MAN2A1: variants seen among roughly 807,000 people sequenced by gnomAD.
The protein encoded by MAN2A1 is mannosidase alpha class 2A member 1.
A neutral mutation model predicts 142.6 loss-of-function variants in MAN2A1; 76 were observed. The observed-to-expected ratio is 0.53, with a 90% confidence interval of 0.44 to 0.65. The LOEUF is 0.65. MAN2A1 is among the 30% of genes least tolerant of loss of function. MAN2A1 has a pLI of 0.00. For synonymous variants in MAN2A1, 559 were observed against 473.2 expected (o/e 1.18, Z -2.35); for missense variants, 1,311 against 1,365.1 (o/e 0.96, Z 0.62).
At chr5:109,769,054 GAGT>G (rs1008334373) in intron 6 of MAN2A1, among the ~76,000 whole-genome samples, 66 of 152,268 alleles carry the variant, frequency 4.3e-4, no homozygotes, top group Middle Eastern at 3.4e-3. Flanking sequence ...AGCTGCAAAA[GAGT>G]AGCGCATAAG....
At chr5:109,814,911 T>C (rs1437236892) in intron 12 of MAN2A1, among the ~76,000 whole-genome samples, 1 of 152,118 alleles carries the variant, frequency 6.6e-6, no homozygotes, top group Non-Finnish European at 1.5e-5. Context: ...AACATGCCAG[T>C]AGGGATTCTA....
At chr5:109,805,750 T>G (rs1754148028) in intron 12 of MAN2A1, among the ~76,000 whole-genome samples, 1 of 152,214 alleles carries the variant, frequency 6.6e-6, no homozygotes, top group Non-Finnish European at 1.5e-5. Context: ...TTTGGTTTTC[T>G]TGTCTAAGTA....
In MAN2A1 at chr5:109,845,896, C is replaced by T; in HGVS notation, c.2732C>T (p.Pro911Leu). ...IQPRMTLSKL[P>L]LQANVYPMTT... is the part of the protein sequence containing the mutation. ...CCTAGAATGACACTGAGCAAATTGCCTCTTCAAGCAAATGTCTATCCCATG... is the reference window on the plus strand; with the variant it reads ...CCTAGAATGACACTGAGCAAATTGCTTCTTCAAGCAAATGTCTATCCCATG... Residue 911 changes from proline to leucine, a missense_variant, in exon 18 of 22, where the codon CCT (proline) becomes CTT (leucine). Around this residue, in one of 3 missense-constraint regions of MAN2A1, gnomAD observed 890 missense variants for 920.5 expected, o/e 0.97. Transcript: ENST00000261483. 1 of 1,613,436 alleles carries T rather than the reference C, an allele frequency of 6.2e-7. No individual in the cohort carries two copies. Among genetic ancestry groups the T allele is most frequent in the Non-Finnish European group, 8.5e-7 (1 of 1,179,664 alleles).
intron 4 of MAN2A1, among the ~76,000 whole-genome samples, chr5:109,747,458 A>T (rs900153765): frequency 2.6e-5 from 4 of 152,090 alleles, no homozygotes; most frequent in African/African-American, 9.7e-5. Flanking sequence ...CACTGTATGG[A>T]TGAGTTAACT....
intron 2 of MAN2A1, among the ~76,000 whole-genome samples, chr5:109,715,668 C>T (rs898729163): frequency 6.6e-6 from 1 of 152,140 alleles, no homozygotes; most frequent in Middle Eastern, 3.4e-3. Flanking sequence ...TATTTTTGTT[C>T]AGGCATAGAT....
chr5:109,709,503 C>T (rs1751235665), intron 1 of MAN2A1, among the ~76,000 whole-genome samples: 1 of 152,332 alleles, frequency 6.6e-6, no homozygotes, highest in African/African-American at 2.4e-5. Context: ...TACACAGATT[C>T]AGCCATGCTG....
chr5:109,731,267 CT>C (rs553119283), intron 4 of MAN2A1, among the ~76,000 whole-genome samples: 2,362 of 143,394 alleles, frequency 0.016, 29 homozygotes, highest in African/African-American at 0.032. Context: ...ATACATTATT[CT>C]TTTTTTTTTT....
At chr5:109,718,996 T>A (rs1751531079) in intron 3 of MAN2A1, among the ~76,000 whole-genome samples, 1 of 60,044 alleles carries the variant, frequency 1.7e-5, no homozygotes, top group Admixed American at 1.6e-4. Flanking sequence ...AAAAACTTAT[T>A]TAAAGTACTC....
chr5:109,752,822 T>C (rs1752583544), intron 4 of MAN2A1, among the ~76,000 whole-genome samples: 1 of 152,208 alleles, frequency 6.6e-6, no homozygotes, highest in South Asian at 2.1e-4. Context: ...CAGTCTTTGA[T>C]GAAAGTAGCA....
chr5:109,788,553 T>G (rs1466750483), intron 10 of MAN2A1, among the ~76,000 whole-genome samples: 1 of 151,924 alleles, frequency 6.6e-6, no homozygotes, highest in Non-Finnish European at 1.5e-5. Context: ...TTTTTATTCA[T>G]TGTTAAAACC....
intron 8 of MAN2A1, among the ~76,000 whole-genome samples, chr5:109,780,510 C>CTGTGTGTGTGTG (rs113661582): frequency 5.1e-4 from 73 of 143,768 alleles, no homozygotes; most frequent in African/African-American, 1.9e-3. Flanking sequence ...CTTGCAATAT[C>CTGTGTGTGTGTG]TGTGTGTGTG....
Position 109,767,515 on chromosome 5 carries a change from C to G in MAN2A1, c.836-20C>G, listed in dbSNP as rs1753025173. 1 of 1,598,384 alleles carries G rather than the reference C, an allele frequency of 6.3e-7. No homozygotes were observed. Among genetic ancestry groups the G allele is most frequent in the Non-Finnish European group, 8.5e-7 (1 of 1,173,736 alleles). ...CATATATCAATTAAAAAAATTAACA[C>G]TTATCATCTTTATCCACAGGAGTGA... On this transcript the variant is annotated intron_variant, in intron 5 of 21. Coordinates refer to ENST00000261483, the MANE Select transcript of MAN2A1 (RefSeq NM_002372.4).
chr5:109,782,788 T>C (rs934235891), intron 9 of MAN2A1, among the ~76,000 whole-genome samples: 1 of 152,074 alleles, frequency 6.6e-6, no homozygotes, highest in African/African-American at 2.4e-5. Context: ...TTCATTATTA[T>C]AGATACATAT....
intron 20 of MAN2A1, 39 bp from the exon 21 acceptor site, chr5:109,864,997 A>T: frequency 7.4e-7 from 1 of 1,347,322 alleles, no homozygotes; most frequent in Non-Finnish European, 1.1e-6. Flanking sequence ...TATTTGCTTT[A>T]TTGTCTGCGC....
chr5:109,794,828 A>G (rs1753820267), intron 12 of MAN2A1, among the ~76,000 whole-genome samples: 1 of 152,144 alleles, frequency 6.6e-6, no homozygotes, highest in Non-Finnish European at 1.5e-5. Context: ...TATTGCTTGT[A>G]AAAGGTATTT....
At chr5:109,746,389 A>G (rs1220898239) in intron 4 of MAN2A1, among the ~76,000 whole-genome samples, 1 of 152,206 alleles carries the variant, frequency 6.6e-6, no homozygotes, top group African/African-American at 2.4e-5. Context: ...CAAAGGATAC[A>G]CAATGAAAAG....
At chr5:109,716,689 C>T (rs1436136476) in intron 3 of MAN2A1, among the ~76,000 whole-genome samples, 1 of 152,052 alleles carries the variant, frequency 6.6e-6, no homozygotes, top group African/African-American at 2.4e-5. Flanking sequence ...CTTTAAGAAC[C>T]TTGGTGTTGA....
At chr5:109,824,121 C>G (rs1754700065) in intron 16 of MAN2A1, among the ~76,000 whole-genome samples, 1 of 152,086 alleles carries the variant, frequency 6.6e-6, no homozygotes, top group Non-Finnish European at 1.5e-5. Context: ...CACCTGAAAA[C>G]AATACAGTGT....
At chr5:109,860,392 C>T (rs1325969355) in intron 20 of MAN2A1, among the ~76,000 whole-genome samples, 1 of 152,088 alleles carries the variant, frequency 6.6e-6, no homozygotes, top group Non-Finnish European at 1.5e-5. Flanking sequence ...CTAACCTTTC[C>T]AGCTGCCAGA....
Sources: gnomAD v4.1 joint callset for allele counts (sites outside exome capture counted in the v4.1 genomes callset) on GRCh38, gnomAD v4.1.1 for gene constraint, gnomAD v4.1.1 regional missense constraint, MANE v1.5 for transcripts, NCBI Gene and HGNC (gene_info 2026-07-23, HGNC 2026-07-21) for gene names.